PSG2: variants seen among roughly 807,000 people sequenced by gnomAD.
The protein encoded by PSG2 is pregnancy specific beta-1-glycoprotein 2.
A neutral mutation model predicts 36.2 loss-of-function variants in PSG2; 49 were observed. That is an observed-to-expected ratio of 1.35 (90% CI 1.08 to 1.72). The LOEUF is 1.72. PSG2 is among the 40% of genes most tolerant of loss of function. The probability of loss-of-function intolerance (pLI) is 0.00; values close to 1 mark genes in which losing one functional copy is unlikely to be tolerated. For synonymous variants in PSG2, 261 were observed against 155.6 expected, an observed-to-expected ratio of 1.68 and a Z score of -5.04; for missense variants, 605 against 407.2, an observed-to-expected ratio of 1.49 and a Z score of -4.18.
At chr19:43,078,355 T>A (rs1055126612) in intron 2 of PSG2, among the ~76,000 whole-genome samples, 1 of 151,832 alleles carries the variant, frequency 6.6e-6, no homozygotes, top group Non-Finnish European at 1.5e-5. Flanking sequence ...GTTGTCACAG[T>A]TTCTATAATC....
intron 3 of PSG2, among the ~76,000 whole-genome samples, chr19:43,074,383 T>C (rs550285020): frequency 1.3e-5 from 2 of 151,914 alleles, no homozygotes; most frequent in East Asian, 3.9e-4. Context: ...AGCAATGTTT[T>C]GTAGTTTTCA....
intron 3 of PSG2, among the ~76,000 whole-genome samples, chr19:43,074,994 G>T (rs1353739338): frequency 6.6e-6 from 1 of 151,650 alleles, no homozygotes; most frequent in Non-Finnish European, 1.5e-5. Context: ...TATTGTCAGA[G>T]GGAAGGGAAA....
chr19:43,065,038 T>C (rs1967721301), intron 5 of PSG2, among the ~76,000 whole-genome samples: 1 of 151,654 alleles, frequency 6.6e-6, no homozygotes, highest in South Asian at 2.1e-4. Context: ...GGTTTCACCG[T>C]GTTAACCAGG....
At position 43,071,768 on chromosome 19, in the gene PSG2, T is replaced by C. The variant is rs768517806; in HGVS notation, c.896A>G (p.Tyr299Cys). Residue 299 changes from tyrosine to cysteine, a missense_variant, in exon 4 of 6, where the codon TAT becomes TGT. Coordinates refer to ENST00000406487, the MANE Select transcript of PSG2 (RefSeq NM_031246.4). ...GGCTGAGTTACGAACAGAGCAAACA[T>C]AGAGCCCGCTATGCTTTGTAGTAAT... is the stretch of plus-strand genomic sequence containing the variant. The part of the protein sequence containing the change: ...PQITTKHSGL[Y>C]VCSVRNSATG... 2.5e-6 allele frequency: 4 copies of C among 1,612,716 alleles called. No individual in the cohort carries two copies. Among genetic ancestry groups the C allele is most frequent in the South Asian group, 1.1e-5 (1 of 91,048 alleles).
At chr19:43,082,025 A>G (rs1264140439) in intron 1 of PSG2, 2 of 152,530 alleles carry the variant, frequency 1.3e-5, no homozygotes, top group Non-Finnish European at 2.9e-5. Flanking sequence ...TTCCAGTTCA[A>G]TGTGATTTTC....
At chr19:43,067,102 G>T (rs545713828) in intron 4 of PSG2, among the ~76,000 whole-genome samples, 1 of 151,354 alleles carries the variant, frequency 6.6e-6, no homozygotes, top group African/African-American at 2.4e-5. Flanking sequence ...GTTCTCCGAG[G>T]CTCTCTTTAA....
chr19:43,068,746 C>T (rs765880799), intron 4 of PSG2, among the ~76,000 whole-genome samples: 1 of 151,486 alleles, frequency 6.6e-6, no homozygotes, highest in African/African-American at 2.4e-5. Context: ...ATGTGAAAAA[C>T]CCAATGGTAA....
At chr19:43,066,673 A>T in intron 4 of PSG2, 73 bp from the exon 5 acceptor site, 1 of 1,455,756 alleles carries the variant, frequency 6.9e-7, no homozygotes, top group Non-Finnish European at 9.6e-7. Context: ...AGGAACAAGC[A>T]TGTAACATGA....
Position 43,064,465 on chromosome 19 carries a change from T to C in PSG2, c.*177A>G. 4.6e-6 allele frequency: 2 copies of C among 438,696 alleles called. No homozygotes were observed. The allele number at this position is 438,696 out of a possible 1,614,324, so 27.2% of individuals were successfully genotyped here. On this transcript the variant is annotated 3_prime_UTR_variant, in exon 6 of 6. Transcript: ENST00000406487. The stretch of plus-strand genomic sequence containing the variant: ...TTAGTCCAATAACATTGAGTATTTT[T>C]CTTCTTTGTCTTGAATTTCATGAAG...
At chr19:43,069,942 TAAG>T (rs1425570241) in intron 4 of PSG2, among the ~76,000 whole-genome samples, 2 of 151,756 alleles carry the variant, frequency 1.3e-5, no homozygotes, top group Non-Finnish European at 2.9e-5. Context: ...ATATGTGTGA[TAAG>T]AAATTAATTT....
chr19:43,068,358 G>A (rs1482837775), intron 4 of PSG2, among the ~76,000 whole-genome samples: 1 of 151,010 alleles, frequency 6.6e-6, no homozygotes, highest in Non-Finnish European at 1.5e-5. Flanking sequence ...AGAATTGCTT[G>A]AGCCCAGGAG....
At chr19:43,077,779 G>C (rs1455083955) in intron 2 of PSG2, among the ~76,000 whole-genome samples, 4 of 151,782 alleles carry the variant, frequency 2.6e-5, no homozygotes. Context: ...ATATGAAGTT[G>C]AATCAGTTGT....
At chr19:43,072,502 G>C in intron 3 of PSG2, 2 of 1,611,274 alleles carry the variant, frequency 1.2e-6, no homozygotes, top group East Asian at 4.5e-5. Context: ...TGACCGGGAG[G>C]CTCTGACCAT....
At chr19:43,067,619 A>G (rs1252012381) in intron 4 of PSG2, among the ~76,000 whole-genome samples, 1 of 151,202 alleles carries the variant, frequency 6.6e-6, no homozygotes, top group Non-Finnish European at 1.5e-5. Context: ...TGGTGTAAAA[A>G]CTTTCCTGGT....
At chr19:43,076,212 A>G (rs1253453152) in intron 2 of PSG2, among the ~76,000 whole-genome samples, 1 of 151,650 alleles carries the variant, frequency 6.6e-6, no homozygotes, top group Non-Finnish European at 1.5e-5. Context: ...GTGGAGCCAC[A>G]AGGTGGGGCA....
At chr19:43,074,803 TAAAG>T (rs1967867491) in intron 3 of PSG2, among the ~76,000 whole-genome samples, 1 of 151,726 alleles carries the variant, frequency 6.6e-6, no homozygotes, top group Non-Finnish European at 1.5e-5. Context: ...ATTTGAGGGA[TAAAG>T]AACACTTGTG....
intron 5 of PSG2, 63 bp downstream of exon 5, chr19:43,066,454 T>C (rs941158252): frequency 3.3e-6 from 4 of 1,230,180 alleles, no homozygotes; most frequent in Middle Eastern, 1.9e-4. Flanking sequence ...ATAAGTCTTT[T>C]CCCTCTCCCA....
intron 2 of PSG2, among the ~76,000 whole-genome samples, chr19:43,076,806 C>A (rs1430001059): frequency 2.0e-5 from 3 of 146,444 alleles, no homozygotes; most frequent in Non-Finnish European, 4.4e-5. Flanking sequence ...AAGCTTAAAA[C>A]AAAGTGTTTT....
intron 3 of PSG2, chr19:43,072,211 C>T: frequency 1.4e-6 from 2 of 1,445,048 alleles, no homozygotes; most frequent in South Asian, 1.4e-5. Flanking sequence ...CCCAGGTTTT[C>T]CCAGGGCAGG....
Sources: allele counts gnomAD v4.1 joint callset (sites outside exome capture counted in the v4.1 genomes callset), GRCh38; gene constraint gnomAD v4.1.1; transcripts MANE v1.5; gene names NCBI Gene and HGNC (gene_info 2026-07-23, HGNC 2026-07-21).